TMEM9B: variants seen among roughly 807,000 people sequenced by gnomAD.
The protein encoded by TMEM9B is TMEM9 domain family member B, also known as transmembrane protein 9B.
A neutral mutation model predicts 23.5 loss-of-function variants in TMEM9B; 8 were observed. That is an observed-to-expected ratio of 0.34 (90% CI 0.20 to 0.61). The LOEUF (loss-of-function observed/expected upper bound fraction) is 0.61, where lower values mean the gene tolerates loss of function less well. TMEM9B is among the 20% of genes least tolerant of loss of function. The pLI, the probability that TMEM9B is intolerant of heterozygous loss-of-function variation, is 0.78. For missense variants in TMEM9B, 197 were observed against 252.3 expected (o/e 0.78, Z 1.49); for synonymous variants, 106 against 96.3 (o/e 1.10, Z -0.59).
intron 2 of TMEM9B, among the ~76,000 whole-genome samples, chr11:8,959,088 C>T (rs989441839): frequency 6.6e-6 from 1 of 152,174 alleles, no homozygotes; most frequent in Non-Finnish European, 1.5e-5. Context: ...TGTTATCTAT[C>T]TGAGGATCAG....
chr11:8,948,593 C>A, intron 4 of TMEM9B, 118 bp from the exon 5 acceptor site: 3 of 1,219,828 alleles, frequency 2.5e-6, no homozygotes, highest in Admixed American at 2.6e-5. Context: ...AACAACAGAG[C>A]ATCTATTTAG....
chr11:8,951,217 T>C (rs1367318658), intron 4 of TMEM9B, among the ~76,000 whole-genome samples: 1 of 152,190 alleles, frequency 6.6e-6, no homozygotes, highest in Non-Finnish European at 1.5e-5. Context: ...CAGGAACAGA[T>C]ATTTAACGCT....
At chr11:8,956,407 A>G in intron 2 of TMEM9B, 109 bp from the exon 3 acceptor site, 2 of 724,896 alleles carry the variant, frequency 2.8e-6, no homozygotes, top group Non-Finnish European at 4.5e-6. Flanking sequence ...CCAATGAAAG[A>G]GCATAAAAAA....
rs1853816595 is a variant in TMEM9B, at chr11:8,948,488, G to C, written c.442-13C>G. 6.2e-7 allele frequency: 1 copy of C among 1,612,842 alleles called. No individual in the cohort carries two copies. Among genetic ancestry groups the C allele is most frequent in the East Asian group, 2.2e-5 (1 of 44,864 alleles). ...AAGGCTGGTGATCCTAAAAGTCCAG[G>C]AATGGAGAACATTAGAGATGGCACA... On this transcript the variant is annotated splice_polypyrimidine_tract_variant and intron_variant, in intron 4 of 4. Coordinates refer to ENST00000534025, the MANE Select transcript of TMEM9B (RefSeq NM_020644.3).
chr11:8,953,187 C>A lies in TMEM9B; in HGVS notation c.441+16G>T. ...AGGGACTGGCCATGAGCAGCTAGGG[C>A]AGGCTGGGAACTTACCCCAATATCA... On this transcript the variant is annotated intron_variant, in intron 4 of 4. Transcript: ENST00000534025. The A allele has an allele frequency of 6.2e-7, 1 of 1,614,150 alleles. No individual in the cohort carries two copies. Among genetic ancestry groups the A allele is most frequent in the African/African-American group, 1.3e-5 (1 of 75,012 alleles).
chr11:8,962,201 A>C lies in TMEM9B; in HGVS notation c.106-18T>G. 2 of 1,526,730 alleles carry C rather than the reference A, an allele frequency of 1.3e-6. No homozygotes were observed. The highest frequency in any genetic ancestry group is 2.3e-5 in the South Asian group (2 of 85,388). The allele number at this position is 1,526,730 out of a possible 1,614,324, so 94.6% of individuals were successfully genotyped here. ...TCGAAATTCTGTAACCAAAATGGAA[A>C]CAGTATAGTGCGTTGACAGTTTATC... On this transcript the variant is annotated intron_variant, in intron 1 of 4. Transcript: ENST00000534025.
rs1555228029 is a variant in TMEM9B, at chr11:8,952,337, T to TGA, written c.441+864_441+865dup. Among the ~76,000 whole-genome samples, 573 of 150,638 alleles carry TGA rather than the reference T, an allele frequency of 3.8e-3. 6 individuals are homozygous for TGA. Among genetic ancestry groups the TGA allele is most frequent in the African/African-American group, 0.012 (476 of 41,106 alleles). ...GTACACACGTGTGTGTGTGTGTGTG[T>TGA]GAGAGATTTAAAGACAGGAAGAGAA... On this transcript the variant is annotated intron_variant, in intron 4 of 4. Transcript: ENST00000534025.
At chr11:8,959,413 TA>T (rs200912421) in intron 2 of TMEM9B, among the ~76,000 whole-genome samples, 1 of 151,740 alleles carries the variant, frequency 6.6e-6, no homozygotes, top group Non-Finnish European at 1.5e-5. Context: ...ACTCTAGCAA[TA>T]AAAAAAACAG....
chr11:8,954,980 GTC>G (rs1188047808), intron 3 of TMEM9B, among the ~76,000 whole-genome samples: 12 of 152,096 alleles, frequency 7.9e-5, no homozygotes, highest in South Asian at 6.2e-4. Context: ...GTGAAATCCT[GTC>G]TCTACTAAAA....
intron 2 of TMEM9B, 74 bp downstream of exon 2, chr11:8,962,018 G>A: frequency 1.1e-6 from 1 of 949,738 alleles, no homozygotes; most frequent in South Asian, 1.6e-5. Flanking sequence ...CTATGCATTT[G>A]ATGAACATTC....
At chr11:8,953,060 G>A in intron 4 of TMEM9B, 143 bp downstream of exon 4, 1 of 948,288 alleles carries the variant, frequency 1.1e-6, no homozygotes, top group East Asian at 2.5e-5. Flanking sequence ...GGTATATACT[G>A]AAATCAGAGC....
rs3833778 is a variant in TMEM9B, at chr11:8,964,369, GGGCTCAGGCTCA to G, written c.-68_-57del. 3.4e-3 allele frequency: 5,163 copies of G among 1,516,112 alleles called. 38 individuals carry two copies. The highest frequency in any genetic ancestry group is 0.03 in the African/African-American group (2,095 of 70,226). 93.9% of individuals were successfully genotyped at this position (1,516,112 alleles called of 1,614,324 possible). A position where few individuals can be genotyped will look rare whatever the true frequency, so the allele number is the denominator to read the frequency against. On this transcript the variant is annotated 5_prime_UTR_variant, in exon 1 of 5. Transcript: ENST00000534025. Reference sequence around the variant, plus strand: ...AGCCCCCGCGACCGGCTCCCGGCTCGGGCTCAGGCTCAGGCTCAGGCTCAGGCACAGGCTTGG... The same window carrying G: ...AGCCCCCGCGACCGGCTCCCGGCTCGGGCTCAGGCTCAGGCACAGGCTTGG...
Position 8,964,402 on chromosome 11 carries a change from CTTGGG to C in TMEM9B, c.-94_-90del. Reference sequence around the variant, plus strand: ...GCTCAGGCTCAGGCTCAGGCACAGGCTTGGGACCCGGCTGGGGATCCTCCGCCCGC... The same window carrying C: ...GCTCAGGCTCAGGCTCAGGCACAGGCACCCGGCTGGGGATCCTCCGCCCGC... On this transcript the variant is annotated 5_prime_UTR_variant, in exon 1 of 5. Transcript: ENST00000534025. 6.8e-7 allele frequency: 1 copy of C among 1,477,588 alleles called. No individual in the cohort carries two copies. The highest frequency in any genetic ancestry group is 1.3e-5 in the South Asian group (1 of 74,574). 91.5% of individuals were successfully genotyped at this position (1,477,588 alleles called of 1,614,324 possible).
chr11:8,956,401 T>C (rs1853974827), intron 2 of TMEM9B, 103 bp from the exon 3 acceptor site: 3 of 757,358 alleles, frequency 4.0e-6, no homozygotes, highest in Non-Finnish European at 6.3e-6. Flanking sequence ...ACTTACCCAA[T>C]GAAAGAGCAT....
At chr11:8,951,578 C>G (rs891949297) in intron 4 of TMEM9B, among the ~76,000 whole-genome samples, 3 of 140,114 alleles carry the variant, frequency 2.1e-5, no homozygotes, top group Non-Finnish European at 3.1e-5. Context: ...AGTGAAACCC[C>G]GTCTCTACTA....
intron 2 of TMEM9B, among the ~76,000 whole-genome samples, chr11:8,961,302 G>A (rs10769977): frequency 0.57 from 87,422 of 152,124 alleles, 25,759 homozygotes; most frequent in East Asian, 0.74. Flanking sequence ...AGATACACGT[G>A]AAAGCTCCTA....
intron 1 of TMEM9B, among the ~76,000 whole-genome samples, chr11:8,963,463 G>C (rs1465869743): frequency 6.6e-6 from 1 of 152,252 alleles, no homozygotes; most frequent in Non-Finnish European, 1.5e-5. Flanking sequence ...GGTCTGGAGA[G>C]CTGGGGCACC....
In TMEM9B at chr11:8,964,191, A is replaced by C; in HGVS notation, c.105+18T>G. On this transcript the variant is annotated intron_variant, in intron 1 of 4. Transcript: ENST00000534025. ...AGGGGAGGAGCTTCCGTCAGGAGCG[A>C]GGCTGGGCGGGACTCACCTTGGCGG... 6.4e-7 allele frequency: 1 copy of C among 1,559,758 alleles called. No individual in the cohort carries two copies. Among genetic ancestry groups the C allele is most frequent in the East Asian group, 2.4e-5 (1 of 41,838 alleles).
rs1853818388 is a variant in TMEM9B, at chr11:8,948,558, G to C, written c.442-83C>G. 3 of 1,487,776 alleles carry C rather than the reference G, an allele frequency of 2.0e-6. No homozygotes were observed. In the East Asian group the frequency reaches 6.9e-5, roughly 34 times the overall value. 92.2% of individuals were successfully genotyped at this position (1,487,776 alleles called of 1,614,324 possible). On this transcript the variant is annotated intron_variant, in intron 4 of 4. Transcript: ENST00000534025. ...ACACAACAGTGACCAGCCCGCCACA[G>C]AAATAGGGGTAGGTGGACTTTTCAA... is the stretch of plus-strand genomic sequence containing the variant.
Sources: gnomAD v4.1 joint callset for allele counts (sites outside exome capture counted in the v4.1 genomes callset) on GRCh38, gnomAD v4.1.1 for gene constraint, MANE v1.5 for transcripts, NCBI Gene and HGNC (gene_info 2026-07-23, HGNC 2026-07-21) for gene names.